Variants in FASTKD2 observed in about 807,000 individuals in gnomAD.
FASTKD2 encodes FAST kinase domains 2.
In FASTKD2, 51 loss-of-function variants were observed where a neutral mutation model predicts 63.6. The observed-to-expected ratio is 0.80, with a 90% CI of 0.64 to 1.01. The LOEUF (loss-of-function observed/expected upper bound fraction) is 1.01, where lower values mean the gene tolerates loss of function less well. FASTKD2 is among the 50% of genes least tolerant of loss of function. The pLI is 0.00. For missense variants in FASTKD2, 786 were observed against 831.1 expected, an observed-to-expected ratio of 0.95 and a Z score of 0.67; for synonymous variants, 284 against 293.4, an observed-to-expected ratio of 0.97 and a Z score of 0.33.
intron 7 of FASTKD2, among the ~76,000 whole-genome samples, chr2:206,780,792 C>T (rs72959512): frequency 0.02 from 3,115 of 152,100 alleles, 45 homozygotes; most frequent in Middle Eastern, 0.048. Context: ...TTTCTTAACT[C>T]TTCTTCTTTC....
chr2:206,779,514 A>G (rs187216503), intron 7 of FASTKD2, among the ~76,000 whole-genome samples: 1 of 152,172 alleles, frequency 6.6e-6, no homozygotes, highest in Admixed American at 6.5e-5. Context: ...AGTCACCTTC[A>G]CAAGGTAACA....
Position 206,788,028 on chromosome 2 carries a change from C to T in FASTKD2, c.1686C>T (p.Leu562=), listed in dbSNP as rs1349950025. The T allele has an allele frequency of 1.2e-6, 2 of 1,613,580 alleles. No individual in the cohort carries two copies. Among genetic ancestry groups the T allele is most frequent in the South Asian group, 1.1e-5 (1 of 91,058 alleles). The change falls in exon 9 of 12, where the codon CTC becomes CTT. Residue 562 remains leucine (L), a synonymous_variant. Coordinates refer to ENST00000402774, the MANE Select transcript of FASTKD2 (RefSeq NM_001136193.2). ...ATCTGAGGGACATAGCCTTGTCACT[C>T]CCACAGCTGCCGCGGGAGCTGCCAT... The part of the protein sequence containing the change: ...TVYLRDIALS[L]PQLPRELPSS...
intron 10 of FASTKD2, chr2:206,789,367 A>G: frequency 6.2e-6 from 1 of 160,386 alleles, no homozygotes; most frequent in Non-Finnish European, 1.4e-5. Context: ...GTTAGAGCAC[A>G]TTGAAGCTAA....
chr2:206,788,781 G>A, intron 9 of FASTKD2, 38 bp from the exon 10 acceptor site: 1 of 1,002,258 alleles, frequency 1.0e-6, no homozygotes, highest in Non-Finnish European at 1.6e-6. Context: ...TCACTTGGAG[G>A]AATGTTTGAA....
At position 206,771,986 on chromosome 2, in the gene FASTKD2, ACTC is replaced by A. The variant is rs1206115967; in HGVS notation, c.1086_1088del (p.Leu363del). 2.5e-6 allele frequency: 4 copies of A among 1,613,688 alleles called. No individual in the cohort carries two copies. The highest frequency in any genetic ancestry group is 3.4e-6 in the Non-Finnish European group (4 of 1,179,660). On this transcript the variant is annotated inframe_deletion, in exon 5 of 12. Coordinates refer to ENST00000402774, the MANE Select transcript of FASTKD2 (RefSeq NM_001136193.2). ...CTGCCATGAATCACCGATCTCTTAT[ACTC>A]CTGGATGAATGCAGTAAGGTGGTCC...
chr2:206,771,989 C>T lies in FASTKD2; in HGVS notation c.1086C>T (p.Leu362=), dbSNP rs747335370. Reference sequence around the variant, plus strand: ...CCATGAATCACCGATCTCTTATACTCCTGGATGAATGCAGTAAGGTGGTCC... The same window carrying T: ...CCATGAATCACCGATCTCTTATACTTCTGGATGAATGCAGTAAGGTGGTCC... The part of the protein sequence containing the change: ...LAAMNHRSLI[L]LDECSKVVLD... The change falls in exon 5 of 12, where the codon CTC becomes CTT. Residue 362 remains leucine, a synonymous_variant. Transcript: ENST00000402774. The T allele has an allele frequency of 1.2e-6, 2 of 1,613,622 alleles. No individual in the cohort carries two copies. Among genetic ancestry groups the T allele is most frequent in the African/African-American group, 1.3e-5 (1 of 75,030 alleles).
In FASTKD2 at chr2:206,790,648, A is replaced by C. The variant is rs139194124; in HGVS notation, c.1975A>C (p.Met659Leu). The change falls in exon 11 of 12, where the codon ATG (methionine) becomes CTG (leucine). Residue 659 changes from methionine (M) to leucine (L), a missense_variant. By Grantham distance (15) the Met-to-Leu change is conservative (BLOSUM62 2). Transcript: ENST00000402774. ...CCCCAGAGGATTCCTTGCTATGAAA[A>C]TGCGGCATTTGAATGCAATGGGTTT... is the stretch of plus-strand genomic sequence containing the variant. ...SHPRGFLAMK[M>L]RHLNAMGFHV... The C allele has an allele frequency of 1.8e-5, 29 of 1,612,998 alleles. No homozygotes were observed. In the African/African-American group the frequency reaches 3.6e-4, roughly 20 times the overall value.
intron 7 of FASTKD2, among the ~76,000 whole-genome samples, chr2:206,785,251 A>G (rs775386800): frequency 1.1e-4 from 17 of 152,218 alleles, no homozygotes; most frequent in Non-Finnish European, 1.0e-4. Context: ...AGGAGCTACA[A>G]TTCAAAATGA....
At chr2:206,782,083 T>C (rs1482561511) in intron 7 of FASTKD2, among the ~76,000 whole-genome samples, 1 of 152,212 alleles carries the variant, frequency 6.6e-6, no homozygotes, top group African/African-American at 2.4e-5. Flanking sequence ...CTCAGGCATC[T>C]GAACCCTGCT....
At chr2:206,769,512 T>G (rs2277912) in intron 2 of FASTKD2, among the ~76,000 whole-genome samples, 19,288 of 152,196 alleles carry the variant, frequency 0.13, 1,604 homozygotes, top group South Asian at 0.2. Flanking sequence ...GTACCCTAAG[T>G]AAAGGGACCT....
At chr2:206,776,693 A>G (rs1474578862) in intron 7 of FASTKD2, among the ~76,000 whole-genome samples, 1 of 152,004 alleles carries the variant, frequency 6.6e-6, no homozygotes, top group Admixed American at 6.5e-5. Context: ...TACTGTTTTA[A>G]TTACTGTAGC....
intron 7 of FASTKD2, 114 bp from the exon 8 acceptor site, chr2:206,786,619 A>G: frequency 1.1e-6 from 1 of 892,024 alleles, no homozygotes; most frequent in Non-Finnish European, 1.9e-6. Flanking sequence ...ACTGTCCAGA[A>G]TGATGTGTGG....
At chr2:206,785,036 G>A (rs1436599615) in intron 7 of FASTKD2, among the ~76,000 whole-genome samples, 2 of 152,178 alleles carry the variant, frequency 1.3e-5, no homozygotes, top group African/African-American at 4.8e-5. Context: ...CCACATGGCT[G>A]GGGAGGCCCC....
Position 206,774,285 on chromosome 2 carries a change from C to T in FASTKD2, c.1315C>T (p.Leu439=), listed in dbSNP as rs773580512. The T allele has an allele frequency of 2.1e-5, 33 of 1,609,756 alleles. No homozygotes were observed. The South Asian group carries it at 3.4e-4, about 17-fold the overall frequency. ...CTTTCGACCTGTTGGTTTAATGGAC[C>T]TGTTTATGAAGAGAATAGTAGAGGA... ...LGFRPVGLMD[L]FMKRIVEDPE... Residue 439 remains leucine (L), a synonymous_variant, in exon 7 of 12, where the codon CTG becomes TTG. Coordinates refer to ENST00000402774, the MANE Select transcript of FASTKD2 (RefSeq NM_001136193.2).
chr2:206,781,304 ATTTTT>A (rs71034473), intron 7 of FASTKD2, among the ~76,000 whole-genome samples: 3 of 75,926 alleles, frequency 4.0e-5, no homozygotes, highest in South Asian at 6.7e-4. Context: ...TTTTTCTATG[ATTTTT>A]TTTTTTTTTT....
At chr2:206,785,760 C>G (rs1411831888) in intron 7 of FASTKD2, among the ~76,000 whole-genome samples, 9 of 152,140 alleles carry the variant, frequency 5.9e-5, no homozygotes, top group Non-Finnish European at 1.2e-4. Context: ...TATCGTTTTC[C>G]TGGCCTTATC....
chr2:206,766,976 A>C lies in FASTKD2; in HGVS notation c.283A>C (p.Ile95Leu), dbSNP rs771403858. The change falls in exon 2 of 12, where the codon ATA becomes CTA. Residue 95 changes from isoleucine to leucine, a missense_variant. Ile to Leu is a conservative substitution (Grantham distance 5, BLOSUM62 2). Transcript: ENST00000402774. ...AGATGTTGGCTTTCAAACAAAGGGC[A>C]TAAGCACTCTAACAGCCCTTAGAAT... ...KSDVGFQTKG[I>L]STLTALRIER... The C allele has an allele frequency of 8.1e-6, 13 of 1,612,188 alleles. No homozygotes were observed. In the South Asian group the frequency reaches 1.4e-4, roughly 18 times the overall value.
rs1184114069 is a variant in FASTKD2, at chr2:206,766,880, A to C, written c.187A>C (p.Asn63His). ...TCATTCAAACTGGAACATTTTAAAT[A>C]ACTTTCATAACAGAATGCAATCAAC... is the stretch of plus-strand genomic sequence containing the variant. The part of the protein sequence containing the change: ...IVHSNWNILN[N>H]FHNRMQSTDI... The change falls in exon 2 of 12, where the codon AAC becomes CAC. Residue 63 changes from asparagine to histidine, a missense_variant. Physicochemically the swap from Asn to His is moderately conservative, Grantham distance 68. Transcript: ENST00000402774. 2.5e-6 allele frequency: 4 copies of C among 1,598,856 alleles called. No individual in the cohort carries two copies. In the Admixed American group the frequency reaches 7.0e-5, roughly 28 times the overall value.
In FASTKD2 at chr2:206,792,647, C is replaced by T. The variant is rs1026230193; in HGVS notation, c.*845C>T. On this transcript the variant is annotated 3_prime_UTR_variant, in exon 12 of 12. Coordinates refer to ENST00000402774, the MANE Select transcript of FASTKD2 (RefSeq NM_001136193.2). ...ATATAGTGATGAATAGGCATGGTCTCTTGTGGAACTTACAGCATGGGTTCC... is the reference window on the plus strand; with the variant it reads ...ATATAGTGATGAATAGGCATGGTCTTTTGTGGAACTTACAGCATGGGTTCC... 1 of 152,188 alleles carries T rather than the reference C, an allele frequency of 6.6e-6. No individual in the cohort carries two copies. Among genetic ancestry groups the T allele is most frequent in the Non-Finnish European group, 1.5e-5 (1 of 68,048 alleles). The allele number at this position is 152,188 out of a possible 1,614,324, so 9.4% of individuals were successfully genotyped here. A position where few individuals can be genotyped will look rare whatever the true frequency, so the allele number is the denominator to read the frequency against.
Sources: gnomAD v4.1 joint callset for allele counts (sites outside exome capture counted in the v4.1 genomes callset) on GRCh38, gnomAD v4.1.1 for gene constraint, MANE v1.5 for transcripts, NCBI Gene and HGNC (gene_info 2026-07-23, HGNC 2026-07-21) for gene names.